Variants in BPGM observed in about 807,000 individuals in gnomAD.
The protein encoded by BPGM is bisphosphoglycerate mutase, also known as 2,3-bisphosphoglycerate mutase, erythrocyte.
Under a neutral mutation model 21.6 loss-of-function variants are expected in BPGM, and 15 were observed. The ratio of observed to expected loss-of-function variants is 0.70; its 90% CI spans 0.47 to 1.07. BPGM has a LOEUF of 1.07. Ranked by LOEUF, BPGM falls within the 50% of genes least tolerant of loss-of-function variation. BPGM has a pLI of 0.00. For synonymous variants in BPGM, 113 were observed against 116.2 expected (o/e 0.97, Z 0.18); for missense variants, 273 against 319.0 (o/e 0.86, Z 1.10).
chr7:134,647,355 T>C (rs1296559504), intron 1 of BPGM: 1 of 152,190 alleles, frequency 6.6e-6, no homozygotes, highest in African/African-American at 2.4e-5. Context: ...TGGCCCTATC[T>C]ATCATTTTGT....
chr7:134,658,875 GGT>G (rs200110595), intron 1 of BPGM, among the ~76,000 whole-genome samples: 3 of 55,132 alleles, frequency 5.4e-5, no homozygotes, highest in Admixed American at 1.9e-4. Flanking sequence ...CCTCTGTTCT[GGT>G]GTGTGTGTGT....
intron 2 of BPGM, 70 bp from the exon 3 acceptor site, chr7:134,678,783 T>TTAATTA: frequency 6.4e-6 from 9 of 1,417,046 alleles, no homozygotes; most frequent in Non-Finnish European, 9.0e-6. Flanking sequence ...AAAGTGCAGT[T>TTAATTA]ATATAATTAA....
At chr7:134,659,239 T>A (rs954671284) in intron 1 of BPGM, among the ~76,000 whole-genome samples, 1 of 152,158 alleles carries the variant, frequency 6.6e-6, no homozygotes, top group African/African-American at 2.4e-5. Context: ...AACAAAATGA[T>A]CAATGGTTAC....
At chr7:134,659,372 CGT>C (rs66893203) in intron 1 of BPGM, among the ~76,000 whole-genome samples, 36,849 of 144,896 alleles carry the variant, frequency 0.25, 5,275 homozygotes, top group Non-Finnish European at 0.35. Flanking sequence ...CACACCCCTC[CGT>C]GTGTGTGTGT....
intron 2 of BPGM, among the ~76,000 whole-genome samples, chr7:134,669,223 G>A (rs1034127425): frequency 1.3e-5 from 2 of 152,182 alleles, no homozygotes; most frequent in South Asian, 4.2e-4. Flanking sequence ...AACCTGGAGG[G>A]CATTTGTTAT....
rs1006123093 is a variant in BPGM, at chr7:134,655,302, C to G, written c.-61-6145C>G. 3.9e-5 allele frequency among the ~76,000 whole-genome samples: 6 copies of G among 152,090 alleles called. No homozygotes were observed. In the East Asian group the frequency reaches 1.2e-3, roughly 29 times the overall value. ...TGCCTTGAGGTTTTTCTCAAGAGTA[C>G]TAATAAGGTGAGCCCTCCTTCATGT... is the stretch of plus-strand genomic sequence containing the variant. On this transcript the variant is annotated intron_variant, in intron 1 of 2. Coordinates refer to ENST00000344924, the MANE Select transcript of BPGM (RefSeq NM_001724.5).
chr7:134,655,529 G>C (rs1782952929), intron 1 of BPGM, among the ~76,000 whole-genome samples: 1 of 152,174 alleles, frequency 6.6e-6, no homozygotes, highest in South Asian at 2.1e-4. Flanking sequence ...TTTTGAACAA[G>C]TCAATCAGAA....
chr7:134,655,657 A>G (rs1199570888), intron 1 of BPGM, among the ~76,000 whole-genome samples: 1 of 152,258 alleles, frequency 6.6e-6, no homozygotes, highest in Non-Finnish European at 1.5e-5. Flanking sequence ...TTTGACATAA[A>G]TACCCTGAGA....
At chr7:134,674,222 ATTT>A (rs1162489150) in intron 2 of BPGM, among the ~76,000 whole-genome samples, 2 of 152,056 alleles carry the variant, frequency 1.3e-5, no homozygotes. Context: ...CCTGTTTACT[ATTT>A]TTTAACATCT....
At chr7:134,676,180 T>G (rs1237194370) in intron 2 of BPGM, among the ~76,000 whole-genome samples, 1 of 152,212 alleles carries the variant, frequency 6.6e-6, no homozygotes, top group Non-Finnish European at 1.5e-5. Flanking sequence ...TCTTGCCTAG[T>G]TGCCCTAGCT....
chr7:134,669,950 G>C (rs1336781907), intron 2 of BPGM, among the ~76,000 whole-genome samples: 2 of 151,982 alleles, frequency 1.3e-5, no homozygotes, highest in Non-Finnish European at 2.9e-5. Flanking sequence ...ATCTAACGCA[G>C]ACCTAAGTAT....
intron 1 of BPGM, among the ~76,000 whole-genome samples, chr7:134,648,827 A>G (rs1233088932): frequency 2.0e-5 from 3 of 152,166 alleles, no homozygotes; most frequent in Admixed American, 1.3e-4. Context: ...TAGAAAGCAG[A>G]TGTTGCATTA....
intron 2 of BPGM, among the ~76,000 whole-genome samples, chr7:134,674,667 A>C: frequency 6.6e-6 from 1 of 152,182 alleles, no homozygotes. Flanking sequence ...TTCATTAGTT[A>C]ATGGACATTT....
At chr7:134,678,028 A>G (rs1418459569) in intron 2 of BPGM, among the ~76,000 whole-genome samples, 1 of 152,226 alleles carries the variant, frequency 6.6e-6, no homozygotes, top group Non-Finnish European at 1.5e-5. Context: ...TACATACAAA[A>G]TGCTTAAAAG....
intron 2 of BPGM, among the ~76,000 whole-genome samples, chr7:134,666,782 G>A (rs1297549618): frequency 2.6e-5 from 4 of 152,186 alleles, no homozygotes; most frequent in African/African-American, 9.7e-5. Flanking sequence ...GTCTCTAAAT[G>A]TCAATCTGTG....
chr7:134,646,987 G>A (rs1795471038), intron 1 of BPGM, 50 bp downstream of exon 1: 1 of 164,048 alleles, frequency 6.1e-6, no homozygotes, highest in South Asian at 1.0e-4. Context: ...ATTTTTTAGT[G>A]ATGTGATGTT....
At chr7:134,648,716 G>C (rs1795509492) in intron 1 of BPGM, among the ~76,000 whole-genome samples, 1 of 151,382 alleles carries the variant, frequency 6.6e-6, no homozygotes, top group African/African-American at 2.4e-5. Context: ...GTCTCGCTCT[G>C]TTGCCCAGGC....
chr7:134,666,081 C>T (rs4728332), intron 2 of BPGM, among the ~76,000 whole-genome samples: 88,939 of 151,756 alleles, frequency 0.59, 27,138 homozygotes, highest in East Asian at 0.89. Context: ...GGTTTTGCCA[C>T]GTTTGCCAGG....
At chr7:134,655,950 A>C (rs927319814) in intron 1 of BPGM, among the ~76,000 whole-genome samples, 1 of 152,216 alleles carries the variant, frequency 6.6e-6, no homozygotes, top group African/African-American at 2.4e-5. Flanking sequence ...AAGTGCACCA[A>C]ATGTGGTTAA....
Sources: gnomAD v4.1 joint callset for allele counts (sites outside exome capture counted in the v4.1 genomes callset) on GRCh38, gnomAD v4.1.1 for gene constraint, MANE v1.5 for transcripts, NCBI Gene and HGNC (gene_info 2026-07-23, HGNC 2026-07-21) for gene names.